Variants in SEC16A observed in about 807,000 individuals in gnomAD.
SEC16A encodes protein transport protein Sec16A.
Under a neutral mutation model 221.9 loss-of-function variants are expected in SEC16A, and 110 were observed. That is an observed-to-expected ratio of 0.50 (90% CI 0.42 to 0.58). The LOEUF (loss-of-function observed/expected upper bound fraction) is 0.58. SEC16A is among the 20% of genes least tolerant of loss of function. The pLI is 0.00. For synonymous variants in SEC16A, 1,393 were observed against 1,257.7 expected, an observed-to-expected ratio of 1.11 and a Z score of -2.28; for missense variants, 3,165 against 3,097.8, an observed-to-expected ratio of 1.02 and a Z score of -0.52.
At position 136,476,203 on chromosome 9, in the gene SEC16A, C is replaced by G. The variant is rs149986112; in HGVS notation, c.1413G>C (p.Leu471=). 9.9e-6 allele frequency: 16 copies of G among 1,613,840 alleles called. No homozygotes were observed. The East Asian group carries it at 3.3e-4, about 34-fold the overall frequency. Residue 471 remains leucine (L), a synonymous_variant, in exon 3 of 32, where the codon CTG becomes CTC. Transcript: ENST00000684901. The part of the protein sequence containing the change: ...NLEFVQNQEV[L]PSEPLNLDPS... ...GGTCCAAATTGAGGGGCTCACTTGGCAGAACTTCTTGATTCTGAACAAATT... is the reference window on the plus strand; with the variant it reads ...GGTCCAAATTGAGGGGCTCACTTGGGAGAACTTCTTGATTCTGAACAAATT...
At position 136,482,953 on chromosome 9, in the gene SEC16A, C is replaced by G; in HGVS notation, c.-207G>C. 1.0e-6 allele frequency: 1 copy of G among 983,680 alleles called. No homozygotes were observed. The highest frequency in any genetic ancestry group is 4.7e-5 in the South Asian group (1 of 21,276). 60.9% of individuals were successfully genotyped at this position (983,680 alleles called of 1,614,324 possible). On this transcript the variant is annotated 5_prime_UTR_variant, in exon 1 of 32. Coordinates refer to ENST00000684901, the MANE Select transcript of SEC16A (RefSeq NM_014866.2). ...GCCCCCTCACCCGCGCGGCTGAGAC[C>G]GATCCCTCAGGAGCCGCGGGCGAAA...
intron 18 of SEC16A, among the ~76,000 whole-genome samples, chr9:136,457,023 A>G (rs1838771837): frequency 6.6e-6 from 1 of 151,804 alleles, no homozygotes; most frequent in Non-Finnish European, 1.5e-5. Flanking sequence ...AATACAAAAA[A>G]TTGGCCAAGC....
chr9:136,464,168 G>A (rs1839864024), intron 9 of SEC16A, among the ~76,000 whole-genome samples: 1 of 150,612 alleles, frequency 6.6e-6, no homozygotes, highest in Non-Finnish European at 1.5e-5. Flanking sequence ...CCCAAAACGA[G>A]GACAGAAAAT....
In SEC16A at chr9:136,474,317, G is replaced by A. The variant is rs1293041696; in HGVS notation, c.3299C>T (p.Pro1100Leu). The A allele has an allele frequency of 1.2e-6, 2 of 1,611,698 alleles. No individual in the cohort carries two copies. The highest frequency in any genetic ancestry group is 2.2e-5 in the East Asian group (1 of 44,842). Reference protein sequence around the residue: ...QGQAQNSAQSPASLVLVDAGQ... With the variant: ...QGQAQNSAQSLASLVLVDAGQ... The stretch of plus-strand genomic sequence containing the variant: ...CGCGTCGACCAGAACCAGACTTGCT[G>A]GTGACTGTGCTGAGTTCTGGGCCTG... Residue 1100 changes from proline (P) to leucine (L), a missense_variant, in exon 3 of 32, where the codon CCA (proline) becomes CTA (leucine). By Grantham distance (98) the Pro-to-Leu change is moderately conservative. This residue lies in a region of SEC16A where 2,030 missense variants were observed against 1,923.1 expected (regional missense o/e 1.06). Transcript: ENST00000684901.
In SEC16A at chr9:136,459,137, GAA is replaced by G; in HGVS notation, c.5404_5405del (p.Phe1802ProfsTer4). 1 of 1,606,774 alleles carries G rather than the reference GAA, an allele frequency of 6.2e-7. No homozygotes were observed. The highest frequency in any genetic ancestry group is 8.5e-7 in the Non-Finnish European group (1 of 1,175,086). The part of the protein sequence containing the change: ...LGAETCPLPS[F>X]QVFKFIYSCR... ...CAGGCTGGCAGCACCTGCTTACCTG[GAA>G]ACTAGGCAGGGGGCAGGTCTCGGCA... On this transcript the variant is annotated frameshift_variant, in exon 17 of 32. Transcript: ENST00000684901. LOFTEE classifies it high-confidence loss of function. The surrounding 1 kb of genome is among the most constrained non-coding windows in gnomAD (Gnocchi z 6.1).
rs149864984 is a variant in SEC16A at position 136,457,432 on chromosome 9, C to G, written c.5550+12G>C. On this transcript the variant is annotated intron_variant, in intron 18 of 31. Transcript: ENST00000684901. ...AGCACAGCATCCCGAGGACAGGCGC[C>G]AGGGGCAGCACCTGCACAAGCTGGC... 636 of 1,596,336 alleles carry G rather than the reference C, an allele frequency of 4.0e-4. 2 individuals carry two copies. In the African/African-American group the frequency reaches 7.4e-3, roughly 19 times the overall value.
rs375110996 is a variant in SEC16A at position 136,477,196 on chromosome 9, C to A, written c.420G>T (p.Arg140Ser). Residue 140 changes from arginine to serine, a missense_variant, in exon 3 of 32, where the codon AGG becomes AGT. Around this residue, in one of 3 missense-constraint regions of SEC16A, gnomAD observed 2,030 missense variants for 1,923.1 expected, o/e 1.06. Coordinates refer to ENST00000684901, the MANE Select transcript of SEC16A (RefSeq NM_014866.2). ...PSAPPGPEMN[R>S]SAEVGPSSEP... ...CTGAACTGGGACCGACCTCTGCACT[C>A]CTGTTCATCTCAGGCCCAGGAGGTG... 1.9e-6 allele frequency: 3 copies of A among 1,613,888 alleles called. No individual in the cohort carries two copies. The highest frequency in any genetic ancestry group is 2.2e-5 in the South Asian group (2 of 91,080).
Position 136,446,704 on chromosome 9 carries a change from G to A in SEC16A, c.6792+151C>T, listed in dbSNP as rs576976751. On this transcript the variant is annotated intron_variant, in intron 28 of 31. Transcript: ENST00000684901. ...CCCGGCACCCTGCATTCTACCTTCC[G>A]TCTCTACCATACATAAGTGTGAGGC... The A allele has an allele frequency of 8.0e-4, 580 of 720,932 alleles. 2 individuals are homozygous for A. Among genetic ancestry groups the A allele is most frequent in the South Asian group, 3.7e-3 (151 of 41,272 alleles). The allele number at this position is 720,932 out of a possible 1,614,324, so 44.7% of individuals were successfully genotyped here. A position where few individuals can be genotyped will look rare whatever the true frequency, so the allele number is the denominator to read the frequency against.
rs765432468 is a variant in SEC16A at position 136,459,816 on chromosome 9, T to G, written c.5132A>C (p.Asn1711Thr). The G allele has an allele frequency of 6.2e-7, 1 of 1,613,576 alleles. No individual in the cohort carries two copies. Among genetic ancestry groups the G allele is most frequent in the Non-Finnish European group, 8.5e-7 (1 of 1,179,724 alleles). The stretch of plus-strand genomic sequence containing the variant: ...CTCGACGTCCATGTTGTTGTTCAAG[T>G]TGGACAAGACCATGGCGAGGTGCGG... ...WRPHLAMVLS[N>T]LNNNMDVESR... Residue 1711 changes from asparagine to threonine, a missense_variant, in exon 15 of 32, where the codon AAC becomes ACC. Asn to Thr is a moderately conservative substitution (Grantham distance 65, BLOSUM62 0). This residue lies in a region of SEC16A where 1,088 missense variants were observed against 1,089.6 expected (regional missense o/e 1.00). Transcript: ENST00000684901. The surrounding 1 kb of genome is among the most constrained non-coding windows in gnomAD (Gnocchi z 6.1).
chr9:136,459,683 G>A lies in SEC16A; in HGVS notation c.5191+74C>T. 1.4e-6 allele frequency: 2 copies of A among 1,411,044 alleles called. No individual in the cohort carries two copies. Among genetic ancestry groups the A allele is most frequent in the Admixed American group, 2.0e-5 (1 of 50,502 alleles). The allele number at this position is 1,411,044 out of a possible 1,614,324, so 87.4% of individuals were successfully genotyped here. Reference sequence around the variant, plus strand: ...AGAAGGCCGGGTTCTGGTGATTTCTGCCAACGCCACAGACAACCGGGCCTT... The same window carrying A: ...AGAAGGCCGGGTTCTGGTGATTTCTACCAACGCCACAGACAACCGGGCCTT... On this transcript the variant is annotated intron_variant, in intron 15 of 31. Transcript: ENST00000684901. The surrounding 1 kb of genome is among the most constrained non-coding windows in gnomAD (Gnocchi z 6.1).
chr9:136,476,736 T>C lies in SEC16A; in HGVS notation c.880A>G (p.Asn294Asp), dbSNP rs1199770115. 6.2e-7 allele frequency: 1 copy of C among 1,606,024 alleles called. No homozygotes were observed. The highest frequency in any genetic ancestry group is 1.3e-5 in the African/African-American group (1 of 74,742). The change falls in exon 3 of 32, where the codon AAT (asparagine) becomes GAT (aspartate). Residue 294 changes from asparagine to aspartate, a missense_variant. Around this residue, in one of 3 missense-constraint regions of SEC16A, gnomAD observed 2,030 missense variants for 1,923.1 expected, o/e 1.06. Transcript: ENST00000684901. The part of the protein sequence containing the change: ...SHLQSGSHLA[N>D]NSDPESTFRQ... ...AATGTACTTTCAGGATCAGAGTTAT[T>C]GGCCAGGTGGCTTCCACTTTGCAAG...
chr9:136,482,853 C>T, intron 1 of SEC16A, 85 bp downstream of exon 1: 2 of 477,046 alleles, frequency 4.2e-6, no homozygotes, highest in Non-Finnish European at 5.5e-6. Context: ...TCCTCCGCGC[C>T]CCGACCTCCA....
Position 136,476,857 on chromosome 9 carries a change from C to T in SEC16A, c.759G>A (p.Pro253=), listed in dbSNP as rs757853752. 2.1e-5 allele frequency: 34 copies of T among 1,610,142 alleles called. No individual in the cohort carries two copies. Among genetic ancestry groups the T allele is most frequent in the Admixed American group, 1.2e-4 (7 of 59,952 alleles). Residue 253 remains proline, a synonymous_variant, in exon 3 of 32, where the codon CCG becomes CCA. Coordinates refer to ENST00000684901, the MANE Select transcript of SEC16A (RefSeq NM_014866.2). ...CATSVPHFPT[P]SILHQGPGHE... ...GACCAGGGCCCTGATGTAGGATGGA[C>T]GGGGTGGGGAAATGAGGAACGCTGG... is the stretch of plus-strand genomic sequence containing the variant.
chr9:136,478,552 T>C (rs755298495), intron 2 of SEC16A, among the ~76,000 whole-genome samples, 157 bp downstream of exon 2: 2 of 152,126 alleles, frequency 1.3e-5, no homozygotes, highest in Non-Finnish European at 2.9e-5. Flanking sequence ...AGCTGCAAAA[T>C]AGGCTGGGTG....
rs190117300 is a variant in SEC16A, at chr9:136,470,060, G to A, written c.3705-1548C>T. 1.1e-4 allele frequency among the ~76,000 whole-genome samples: 17 copies of A among 152,354 alleles called. No homozygotes were observed. In the East Asian group the frequency reaches 1.7e-3, roughly 16 times the overall value. ...CAAGGCTAAGACAGGCAGTGCCTGC[G>A]GGGATCTGACCACACCAGGCCCAGA... On this transcript the variant is annotated intron_variant, in intron 4 of 31. Transcript: ENST00000684901.
At position 136,474,402 on chromosome 9, in the gene SEC16A, G is replaced by A; in HGVS notation, c.3214C>T (p.Gln1072Ter). The change falls in exon 3 of 32, where the codon CAA (glutamine) becomes TAA (stop). Residue 1072 changes from glutamine (Q) to a stop codon, truncating the protein, a stop_gained. Transcript: ENST00000684901. LOFTEE classifies it high-confidence loss of function. ...TCCGAAAACATGGCTTTGGGTAGTT[G>A]TGGGGGAGAAGCCTGTTGCTGGGGT... ...VPPQQQASPP[Q>*]LPKAMFSELS... is the part of the protein sequence containing the mutation. 1 of 1,612,840 alleles carries A rather than the reference G, an allele frequency of 6.2e-7. No individual in the cohort carries two copies. The highest frequency in any genetic ancestry group is 8.5e-7 in the Non-Finnish European group (1 of 1,179,908).
rs1293930545 is a variant in SEC16A at position 136,462,963 on chromosome 9, C to T, written c.4817G>A (p.Gly1606Asp). ...GEAQLSFLTG[G>D]PAAAASSLER... The stretch of plus-strand genomic sequence containing the variant: ...GAGCGAGCTGGCGGCAGCCGCCGGA[C>T]CACCAGTGAGGAAAGAGAGCTGGGC... The change falls in exon 12 of 32, where the codon GGT becomes GAT. Residue 1606 changes from glycine to aspartate, a missense_variant. Gly to Asp is a moderately conservative substitution (Grantham distance 94). Transcript: ENST00000684901. 11 of 1,608,108 alleles carry T rather than the reference C, an allele frequency of 6.8e-6. No individual in the cohort carries two copies. The highest frequency in any genetic ancestry group is 9.3e-6 in the Non-Finnish European group (11 of 1,179,872).
rs549841696 is a variant in SEC16A, at chr9:136,472,617, C to T, written c.3568-506G>A. ...CCCAGCCAGGAGCAGCCTCTAAAAG[C>T]GGACCGTGCTTTATTCTCGGGAGGC... On this transcript the variant is annotated intron_variant, in intron 3 of 31. Transcript: ENST00000684901. Among the ~76,000 whole-genome samples, 209 of 152,348 alleles carry T rather than the reference C, an allele frequency of 1.4e-3. 1 individual carries two copies. Among genetic ancestry groups the T allele is most frequent in the Admixed American group, 5.5e-3 (84 of 15,306 alleles).
At chr9:136,468,282 C>A in intron 5 of SEC16A, 133 bp downstream of exon 5, 1 of 527,564 alleles carries the variant, frequency 1.9e-6, no homozygotes, top group Non-Finnish European at 3.4e-6. Context: ...TGGGCAAAAA[C>A]ATAAAGAGAT....
Sources: allele counts gnomAD v4.1 joint callset (sites outside exome capture counted in the v4.1 genomes callset), GRCh38; gene constraint gnomAD v4.1.1; regional missense constraint gnomAD v4.1.1; non-coding constraint Gnocchi (gnomAD v3.1); transcripts MANE v1.5; gene names NCBI Gene and HGNC (gene_info 2026-07-23, HGNC 2026-07-21).